NKAIN2: variants seen among roughly 807,000 people sequenced by gnomAD.
The protein encoded by NKAIN2 is sodium/potassium transporting ATPase interacting 2.
In NKAIN2, 14 loss-of-function variants were observed where a neutral mutation model predicts 32.6. That is an observed-to-expected ratio of 0.43 (90% CI 0.28 to 0.67). The LOEUF is 0.67. Among genes scored for constraint, NKAIN2 ranks in the 30% least tolerant of loss-of-function variants. The pLI is 0.17. For synonymous variants in NKAIN2, 80 were observed against 87.2 expected (o/e 0.92, Z 0.46); for missense variants, 198 against 258.3 (o/e 0.77, Z 1.60).
intron 1 of NKAIN2, among the ~76,000 whole-genome samples, chr6:124,042,730 G>C (rs1414023336): frequency 6.6e-6 from 1 of 152,026 alleles, no homozygotes; most frequent in Non-Finnish European, 1.5e-5. Context: ...TAAATAGTAT[G>C]CTCAATTTCC....
At chr6:124,599,965 T>C (rs900245378) in intron 3 of NKAIN2, among the ~76,000 whole-genome samples, 1 of 152,138 alleles carries the variant, frequency 6.6e-6, no homozygotes, top group Non-Finnish European at 1.5e-5. Flanking sequence ...TCTGGCAGCA[T>C]GGCTTCTCAA....
At chr6:124,733,164 G>A (rs1583755330) in intron 4 of NKAIN2, among the ~76,000 whole-genome samples, 2 of 152,068 alleles carry the variant, frequency 1.3e-5, no homozygotes, top group East Asian at 3.9e-4. Flanking sequence ...GGGGTGAGGA[G>A]AGGAAGGTTG....
At chr6:124,697,141 G>A (rs974196651) in intron 4 of NKAIN2, among the ~76,000 whole-genome samples, 2 of 152,026 alleles carry the variant, frequency 1.3e-5, no homozygotes, top group African/African-American at 4.8e-5. Context: ...AATCATTAAG[G>A]GTCTAAGAGT....
intron 5 of NKAIN2, among the ~76,000 whole-genome samples, chr6:124,802,519 C>T (rs1269762246): frequency 2.6e-5 from 4 of 152,200 alleles, no homozygotes; most frequent in Non-Finnish European, 4.4e-5. Context: ...CCATAATCTT[C>T]ATTACATGCT....
At chr6:124,288,865 A>G (rs148010961) in intron 2 of NKAIN2, among the ~76,000 whole-genome samples, 40 of 152,338 alleles carry the variant, frequency 2.6e-4, no homozygotes, top group African/African-American at 7.9e-4. Context: ...ACATACATAC[A>G]TACATATCAT....
chr6:124,821,167 C>T (rs562772976), intron 6 of NKAIN2, among the ~76,000 whole-genome samples: 11 of 151,910 alleles, frequency 7.2e-5, no homozygotes, highest in South Asian at 2.1e-4. Context: ...TGGTGGTGCA[C>T]GCCTGTAATC....
At chr6:124,326,570 A>T (rs1182991864) in intron 2 of NKAIN2, among the ~76,000 whole-genome samples, 1 of 152,102 alleles carries the variant, frequency 6.6e-6, no homozygotes, top group East Asian at 1.9e-4. Flanking sequence ...ACTTTGCCAG[A>T]TCTGCTCTCT....
intron 4 of NKAIN2, among the ~76,000 whole-genome samples, chr6:124,740,152 C>T (rs906443202): frequency 6.0e-5 from 9 of 151,070 alleles, no homozygotes; most frequent in Admixed American, 2.6e-4. Flanking sequence ...TTTCCATCAT[C>T]TCGCTACTGT....
At chr6:124,541,612 A>C (rs1275862516) in intron 3 of NKAIN2, among the ~76,000 whole-genome samples, 1 of 152,160 alleles carries the variant, frequency 6.6e-6, no homozygotes, top group Non-Finnish European at 1.5e-5. Flanking sequence ...AACTGTGAAA[A>C]CCAATTATTA....
intron 4 of NKAIN2, among the ~76,000 whole-genome samples, chr6:124,703,861 T>A (rs958763070): frequency 2.0e-5 from 3 of 151,916 alleles, no homozygotes; most frequent in Non-Finnish European, 2.9e-5. Context: ...CCAGCAGAGA[T>A]CTGGAATATA....
chr6:124,410,814 T>A (rs896091450), intron 3 of NKAIN2, among the ~76,000 whole-genome samples: 1 of 152,192 alleles, frequency 6.6e-6, no homozygotes, highest in Non-Finnish European at 1.5e-5. Context: ...CCCATTATTA[T>A]TGTGTGGGAG....
At chr6:124,802,749 T>A (rs1780318457) in intron 5 of NKAIN2, among the ~76,000 whole-genome samples, 1 of 152,192 alleles carries the variant, frequency 6.6e-6, no homozygotes. Context: ...AACACCTATC[T>A]ATTCTTTTTC....
chr6:124,711,606 C>A (rs993592352), intron 4 of NKAIN2, among the ~76,000 whole-genome samples: 31 of 150,642 alleles, frequency 2.1e-4, no homozygotes, highest in African/African-American at 7.0e-4. Context: ...TCCAGTTGAT[C>A]GCATCGGCTC....
At chr6:124,020,214 T>G (rs1401735012) in intron 1 of NKAIN2, among the ~76,000 whole-genome samples, 1 of 152,112 alleles carries the variant, frequency 6.6e-6, no homozygotes, top group African/African-American at 2.4e-5. Flanking sequence ...AAAGCCAATG[T>G]GAAAATGGGT....
chr6:124,271,801 A>G (rs1180874336), intron 1 of NKAIN2, among the ~76,000 whole-genome samples: 1 of 152,198 alleles, frequency 6.6e-6, no homozygotes, highest in African/African-American at 2.4e-5. Flanking sequence ...GTGGTCACAG[A>G]TGGAGATGAG....
intron 1 of NKAIN2, among the ~76,000 whole-genome samples, chr6:124,141,267 A>T (rs2114333338): frequency 1.3e-5 from 2 of 152,218 alleles, no homozygotes; most frequent in South Asian, 4.1e-4. Flanking sequence ...ATTCACAAAG[A>T]AAAAAAATAC....
intron 2 of NKAIN2, among the ~76,000 whole-genome samples, chr6:124,303,737 G>A (rs1385211393): frequency 6.6e-6 from 1 of 152,176 alleles, no homozygotes; most frequent in Non-Finnish European, 1.5e-5. Context: ...ACAATATAAA[G>A]GGTTAATAAA....
chr6:124,197,841 T>TG (rs1383599072), intron 1 of NKAIN2, among the ~76,000 whole-genome samples: 2 of 144,636 alleles, frequency 1.4e-5, no homozygotes, highest in Non-Finnish European at 3.0e-5. Flanking sequence ...TGTCTGGTTT[T>TG]TTTTTTTTTT....
intron 5 of NKAIN2, among the ~76,000 whole-genome samples, chr6:124,815,713 A>G (rs1002781540): frequency 1.3e-5 from 2 of 152,168 alleles, no homozygotes; most frequent in Non-Finnish European, 2.9e-5. Context: ...CACTCTTTTG[A>G]TCCATCTCCT....
Sources: allele counts gnomAD v4.1 joint callset (sites outside exome capture counted in the v4.1 genomes callset), GRCh38; gene constraint gnomAD v4.1.1; transcripts MANE v1.5; gene names NCBI Gene and HGNC (gene_info 2026-07-23, HGNC 2026-07-21).